CACNG2: variants seen among roughly 807,000 people sequenced by gnomAD.
The protein encoded by CACNG2 is calcium voltage-gated channel auxiliary subunit gamma 2.
In CACNG2, 3 loss-of-function variants were observed where a neutral mutation model predicts 25.9. The ratio of observed to expected loss-of-function variants is 0.12; its 90% CI spans 0.05 to 0.30. CACNG2 has a LOEUF of 0.30. Ranked by LOEUF, CACNG2 falls within the 10% of genes least tolerant of loss-of-function variation. The pLI is 1.00. For synonymous variants in CACNG2, 167 were observed against 173.3 expected (o/e 0.96, Z 0.29); for missense variants, 341 against 432.5 (o/e 0.79, Z 1.88).
At chr22:36,570,004 T>C (rs1351194083) in intron 2 of CACNG2, among the ~76,000 whole-genome samples, 1 of 152,208 alleles carries the variant, frequency 6.6e-6, no homozygotes, top group Non-Finnish European at 1.5e-5. Context: ...GGCTCTGGCC[T>C]TCCCCCTCCA....
intron 1 of CACNG2, among the ~76,000 whole-genome samples, chr22:36,684,170 G>C (rs1225487536): frequency 6.6e-6 from 1 of 152,202 alleles, no homozygotes; most frequent in Non-Finnish European, 1.5e-5. Context: ...TACCTGAGAT[G>C]AATTTAGGTG....
At position 36,573,306 on chromosome 22, in the gene CACNG2, A is replaced by G. The variant is rs935944317; in HGVS notation, c.296-6813T>C. Among the ~76,000 whole-genome samples, 5 of 152,084 alleles carry G rather than the reference A, an allele frequency of 3.3e-5. No homozygotes were observed. In the South Asian group the frequency reaches 6.2e-4, roughly 19 times the overall value. ...TGTGATAGACCTGGATTCAAATCCA[A>G]TGCTTTTGTTTTTTACTTTTTAATT... On this transcript the variant is annotated intron_variant, in intron 2 of 3. Coordinates refer to ENST00000300105, the MANE Select transcript of CACNG2 (RefSeq NM_006078.5).
intron 1 of CACNG2, among the ~76,000 whole-genome samples, chr22:36,685,328 C>T (rs373588126): frequency 1.3e-5 from 2 of 152,112 alleles, no homozygotes; most frequent in African/African-American, 4.8e-5. Context: ...CCATCTCTCC[C>T]GGGGGCCTCT....
chr22:36,683,588 C>A (rs953054899), intron 1 of CACNG2, among the ~76,000 whole-genome samples: 1 of 152,178 alleles, frequency 6.6e-6, no homozygotes, highest in Non-Finnish European at 1.5e-5. Context: ...CTCCCCCACT[C>A]AGGTATGATC....
intron 2 of CACNG2, among the ~76,000 whole-genome samples, chr22:36,582,251 C>A (rs1205554805): frequency 6.6e-6 from 1 of 152,162 alleles, no homozygotes; most frequent in African/African-American, 2.4e-5. Flanking sequence ...ATTCTCGCTG[C>A]AACCCACAGG....
chr22:36,689,670 A>G (rs1937244347), intron 1 of CACNG2, among the ~76,000 whole-genome samples: 1 of 152,234 alleles, frequency 6.6e-6, no homozygotes, highest in African/African-American at 2.4e-5. Context: ...TAGAAATGAG[A>G]AGTAGTAAAT....
At chr22:36,572,740 G>T (rs997160197) in intron 2 of CACNG2, among the ~76,000 whole-genome samples, 1 of 152,058 alleles carries the variant, frequency 6.6e-6, no homozygotes, top group African/African-American at 2.4e-5. Context: ...CAGGTGGTGG[G>T]CTGGATGGGC....
At chr22:36,634,176 TG>T (rs1486098619) in intron 1 of CACNG2, among the ~76,000 whole-genome samples, 4 of 152,240 alleles carry the variant, frequency 2.6e-5, no homozygotes, top group African/African-American at 4.8e-5. Context: ...CACCTAAGGC[TG>T]TTTTCCCTAT....
At chr22:36,650,857 C>T (rs1399946055) in intron 1 of CACNG2, among the ~76,000 whole-genome samples, 3 of 152,220 alleles carry the variant, frequency 2.0e-5, no homozygotes, top group Non-Finnish European at 4.4e-5. Flanking sequence ...CACACTCCTG[C>T]CTCGGGGCCT....
intron 1 of CACNG2, among the ~76,000 whole-genome samples, chr22:36,697,472 G>A (rs1015015195): frequency 2.0e-5 from 3 of 152,188 alleles, no homozygotes; most frequent in Non-Finnish European, 4.4e-5. Context: ...AATGTAGCCC[G>A]ATGAGTCATA....
At chr22:36,573,688 G>A (rs566859762) in intron 2 of CACNG2, among the ~76,000 whole-genome samples, 45 of 152,312 alleles carry the variant, frequency 3.0e-4, no homozygotes, top group South Asian at 8.3e-4. Context: ...GCAAGGAGAG[G>A]TTAAGCCATT....
intron 1 of CACNG2, among the ~76,000 whole-genome samples, chr22:36,621,504 A>G (rs1274807131): frequency 1.3e-5 from 2 of 151,672 alleles, no homozygotes; most frequent in East Asian, 3.9e-4. Context: ...CAGGAGGCAG[A>G]GATTGCACTG....
At chr22:36,586,751 C>G (rs1935510531) in intron 2 of CACNG2, among the ~76,000 whole-genome samples, 1 of 152,190 alleles carries the variant, frequency 6.6e-6, no homozygotes. Context: ...TGTCCCAGGC[C>G]TCAAGGACTC....
intron 1 of CACNG2, among the ~76,000 whole-genome samples, chr22:36,598,474 C>T (rs1161224748): frequency 2.7e-5 from 4 of 150,326 alleles, no homozygotes; most frequent in African/African-American, 4.9e-5. Flanking sequence ...AAAAATTAGC[C>T]GGGCTTGGTG....
At chr22:36,652,390 TC>T (rs200895045) in intron 1 of CACNG2, among the ~76,000 whole-genome samples, 1,723 of 152,264 alleles carry the variant, frequency 0.011, 17 homozygotes, top group Non-Finnish European at 0.014. Context: ...CAGCCCTCCC[TC>T]TCAGCAGTAC....
At chr22:36,660,567 T>G (rs1338115917) in intron 1 of CACNG2, among the ~76,000 whole-genome samples, 1 of 152,228 alleles carries the variant, frequency 6.6e-6, no homozygotes, top group East Asian at 1.9e-4. Flanking sequence ...TGAGCTCCCC[T>G]CAACACAAAG....
At chr22:36,577,650 GAAAAAAA>G (rs544986089) in intron 2 of CACNG2, among the ~76,000 whole-genome samples, 17 of 114,462 alleles carry the variant, frequency 1.5e-4, no homozygotes, top group East Asian at 1.0e-3. Context: ...CTCCGTCTTG[GAAAAAAA>G]AAAAAAAAAA....
chr22:36,643,737 T>A (rs1389063357), intron 1 of CACNG2, among the ~76,000 whole-genome samples: 1 of 152,210 alleles, frequency 6.6e-6, no homozygotes, highest in Non-Finnish European at 1.5e-5. Flanking sequence ...GTCAGTTACA[T>A]GAATCTTATT....
intron 1 of CACNG2, among the ~76,000 whole-genome samples, chr22:36,609,733 T>TC (rs1935904783): frequency 7.6e-6 from 1 of 131,974 alleles, no homozygotes; most frequent in South Asian, 2.5e-4. Flanking sequence ...CAGAGCATGA[T>TC]TGGGAGGAAT....
Sources: allele counts gnomAD v4.1 joint callset (sites outside exome capture counted in the v4.1 genomes callset), GRCh38; gene constraint gnomAD v4.1.1; transcripts MANE v1.5; gene names NCBI Gene and HGNC (gene_info 2026-07-23, HGNC 2026-07-21).